SEL1L: variants seen among roughly 807,000 people sequenced by gnomAD.
The protein encoded by SEL1L is SEL1L adaptor subunit of SYVN1 ubiquitin ligase, also known as protein sel-1 homolog 1.
SEL1L carries 52 observed loss-of-function variants against 109.8 expected under a neutral mutation model. The observed-to-expected ratio is 0.47, with a 90% CI of 0.38 to 0.60. The LOEUF is 0.60. Ranked by LOEUF, SEL1L falls within the 20% of genes least tolerant of loss-of-function variation. The probability of loss-of-function intolerance (pLI) is 0.00; values close to 1 mark genes in which losing one functional copy is unlikely to be tolerated. For synonymous variants in SEL1L, 373 were observed against 339.6 expected (o/e 1.10, Z -1.08); for missense variants, 749 against 962.2 (o/e 0.78, Z 2.93).
At chr14:81,533,326 G>A (rs951060637) in intron 1 of SEL1L, among the ~76,000 whole-genome samples, 2 of 152,142 alleles carry the variant, frequency 1.3e-5, no homozygotes, top group African/African-American at 2.4e-5. Context: ...CAGAGTTCTA[G>A]ACCAGACCCT....
chr14:81,487,797 T>C (rs1903566351), intron 15 of SEL1L, 58 bp downstream of exon 15: 6 of 1,603,674 alleles, frequency 3.7e-6, no homozygotes, highest in Admixed American at 1.7e-5. Flanking sequence ...TGCCATCTAG[T>C]AGAAAACAGC....
intron 1 of SEL1L, among the ~76,000 whole-genome samples, chr14:81,528,382 C>T (rs190187059): frequency 5.7e-4 from 87 of 152,272 alleles, no homozygotes; most frequent in African/African-American, 1.9e-3. Flanking sequence ...CAATAACTTA[C>T]ATTAAACAAT....
chr14:81,492,652 T>G (rs889653582), intron 11 of SEL1L, 104 bp from the exon 12 acceptor site: 6 of 732,812 alleles, frequency 8.2e-6, no homozygotes, highest in South Asian at 4.0e-5. Context: ...TCTTGTTATA[T>G]TACAGTGCTT....
intron 20 of SEL1L, among the ~76,000 whole-genome samples, chr14:81,478,236 A>T (rs1460018166): frequency 2.0e-5 from 3 of 152,196 alleles, no homozygotes; most frequent in African/African-American, 4.8e-5. Flanking sequence ...TGGAAAAAAA[A>T]TGACAAGAAA....
chr14:81,502,925 G>A (rs1431724640), intron 5 of SEL1L, 42 bp from the exon 6 acceptor site: 1 of 1,516,000 alleles, frequency 6.6e-7, no homozygotes, highest in Non-Finnish European at 8.9e-7. Flanking sequence ...GTAATGTTTT[G>A]AAACTGCCAT....
chr14:81,477,638 T>C (rs1251812895), intron 20 of SEL1L, among the ~76,000 whole-genome samples: 2 of 151,722 alleles, frequency 1.3e-5, no homozygotes, highest in African/African-American at 4.8e-5. Context: ...CACGGTGAAA[T>C]CCCATCTCTA....
At chr14:81,531,092 T>C (rs538522551) in intron 1 of SEL1L, among the ~76,000 whole-genome samples, 17 of 152,346 alleles carry the variant, frequency 1.1e-4, no homozygotes, top group Admixed American at 9.1e-4. Context: ...GATGTTACTA[T>C]ACACTATTGT....
intron 20 of SEL1L, 101 bp downstream of exon 20, chr14:81,479,511 A>G (rs763889197): frequency 8.9e-6 from 11 of 1,234,526 alleles, no homozygotes; most frequent in South Asian, 3.2e-5. Context: ...CGATACCTGC[A>G]GGACCACTCT....
At chr14:81,481,184 T>G (rs1903346063) in intron 19 of SEL1L, among the ~76,000 whole-genome samples, 1 of 152,186 alleles carries the variant, frequency 6.6e-6, no homozygotes, top group Non-Finnish European at 1.5e-5. Context: ...TGTTCTGAAT[T>G]CAGATATGTA....
At chr14:81,532,172 C>A (rs936320168) in intron 1 of SEL1L, among the ~76,000 whole-genome samples, 31 of 152,294 alleles carry the variant, frequency 2.0e-4, no homozygotes, top group Admixed American at 3.3e-4. Context: ...AGCACAATTC[C>A]TATGCTTTAA....
rs770292699 is a variant in SEL1L at position 81,498,538 on chromosome 14, T to C, written c.892-44A>G. On this transcript the variant is annotated intron_variant, in intron 8 of 20. Transcript: ENST00000336735. Reference sequence around the variant, plus strand: ...TGAGGAGGCAGCAGTTTCATGTACTTCAGTGTCATTCTTCGTGGAACAAAT... The same window carrying C: ...TGAGGAGGCAGCAGTTTCATGTACTCCAGTGTCATTCTTCGTGGAACAAAT... 7 of 1,394,948 alleles carry C rather than the reference T, an allele frequency of 5.0e-6. No homozygotes were observed. In the Admixed American group the frequency reaches 1.2e-4, roughly 25 times the overall value. 86.4% of individuals were successfully genotyped at this position (1,394,948 alleles called of 1,614,324 possible).
chr14:81,493,413 C>T (rs998095998), intron 11 of SEL1L, among the ~76,000 whole-genome samples: 4 of 151,886 alleles, frequency 2.6e-5, no homozygotes, highest in African/African-American at 4.8e-5. Context: ...AGGAGGCTGA[C>T]GCAGGACAAT....
Position 81,476,014 on chromosome 14 carries a change from G to A in SEL1L, c.*958C>T, listed in dbSNP as rs891596118. On this transcript the variant is annotated 3_prime_UTR_variant, in exon 21 of 21. Transcript: ENST00000336735. ...TTTAAAGAATTCAGGAAGGTGATGT[G>A]TTCTTTGTGCAAAAAGAAATGCAAA... 1.3e-5 allele frequency: 2 copies of A among 152,182 alleles called. No homozygotes were observed. The highest frequency in any genetic ancestry group is 4.8e-5 in the African/African-American group (2 of 41,448). The allele number at this position is 152,182 out of a possible 1,614,324, so 9.4% of individuals were successfully genotyped here. A position where few individuals can be genotyped will look rare whatever the true frequency, so the allele number is the denominator to read the frequency against.
chr14:81,504,120 C>A, intron 5 of SEL1L, 81 bp downstream of exon 5: 2 of 792,254 alleles, frequency 2.5e-6, no homozygotes, highest in South Asian at 2.4e-5. Context: ...TCTGGCAGTG[C>A]ACTTTTTAAA....
chr14:81,479,701 C>T lies in SEL1L; in HGVS notation c.2086G>A (p.Glu696Lys). The change falls in exon 20 of 21, where the codon GAA becomes AAA. Residue 696 changes from glutamate (E) to lysine (K), a missense_variant. Glu to Lys is a moderately conservative substitution (Grantham distance 56). This residue lies in a region of SEL1L where 383 missense variants were observed against 562.5 expected (regional missense o/e 0.68). Transcript: ENST00000336735. ...GGAACTTGTGCATCTGGGCTGGCTT[C>T]AGCTGCCATGTCATAAAAACGTTTC... ...LAKRFYDMAA[E>K]ASPDAQVPVF... The T allele has an allele frequency of 6.2e-7, 1 of 1,613,948 alleles. No homozygotes were observed. Among genetic ancestry groups the T allele is most frequent in the Non-Finnish European group, 8.5e-7 (1 of 1,179,944 alleles).
chr14:81,489,072 T>G, intron 14 of SEL1L, 180 bp downstream of exon 14: 4 of 649,180 alleles, frequency 6.2e-6, no homozygotes, highest in Non-Finnish European at 5.5e-6. Context: ...CTAAGACAGT[T>G]GAGATGGTGT....
At chr14:81,502,607 G>C in intron 6 of SEL1L, 114 bp downstream of exon 6, 1 of 1,016,656 alleles carries the variant, frequency 9.8e-7, no homozygotes. Context: ...CCACAAAATT[G>C]GTATTTATCT....
Position 81,495,146 on chromosome 14 carries a change from G to T in SEL1L, c.1129-9C>A. On this transcript the variant is annotated splice_polypyrimidine_tract_variant and intron_variant, in intron 10 of 20. Coordinates refer to ENST00000336735, the MANE Select transcript of SEL1L (RefSeq NM_005065.6). The stretch of plus-strand genomic sequence containing the variant: ...AGTTGTCCAAGACCAACCTGAAAAT[G>T]ATCACAAACAAGGCAAAAGTAAGTG... 1 of 1,613,706 alleles carries T rather than the reference G, an allele frequency of 6.2e-7. No individual in the cohort carries two copies. Among genetic ancestry groups the T allele is most frequent in the South Asian group, 1.1e-5 (1 of 90,984 alleles).
intron 8 of SEL1L, 52 bp downstream of exon 8, chr14:81,499,407 C>T (rs1368880185): frequency 1.3e-6 from 2 of 1,582,230 alleles, no homozygotes; most frequent in Non-Finnish European, 8.5e-7. Context: ...CGCTATAAAC[C>T]ACAAATTCTT....
Sources: allele counts gnomAD v4.1 joint callset (sites outside exome capture counted in the v4.1 genomes callset), GRCh38; gene constraint gnomAD v4.1.1; regional missense constraint gnomAD v4.1.1; transcripts MANE v1.5; gene names NCBI Gene and HGNC (gene_info 2026-07-23, HGNC 2026-07-21).